EPHA6: variants seen among roughly 807,000 people sequenced by gnomAD.
The protein encoded by EPHA6 is ephrin type-A receptor 6.
A neutral mutation model predicts 112.0 loss-of-function variants in EPHA6; 50 were observed. The ratio of observed to expected loss-of-function variants is 0.45; its 90% CI spans 0.36 to 0.56. EPHA6 has a LOEUF of 0.56. EPHA6 is among the 20% of genes least tolerant of loss of function. The pLI, the probability that EPHA6 is intolerant of heterozygous loss-of-function variation, is 0.00. For missense variants in EPHA6, 1,280 were observed against 1,417.4 expected (o/e 0.90, Z 1.56); for synonymous variants, 529 against 490.7 (o/e 1.08, Z -1.03).
chr3:97,318,777 G>T (rs2081965396), intron 5 of EPHA6, among the ~76,000 whole-genome samples: 2 of 151,676 alleles, frequency 1.3e-5, no homozygotes, highest in African/African-American at 4.9e-5. Flanking sequence ...ACTAACAGAT[G>T]GCTTTAAAGT....
At chr3:96,840,723 G>T (rs540103845) in intron 1 of EPHA6, among the ~76,000 whole-genome samples, 1 of 152,008 alleles carries the variant, frequency 6.6e-6, no homozygotes, top group African/African-American at 2.4e-5. Flanking sequence ...CCTGATTACC[G>T]GCCGGTGTCT....
chr3:96,823,737 A>G (rs927340898), intron 1 of EPHA6, among the ~76,000 whole-genome samples: 1 of 151,812 alleles, frequency 6.6e-6, no homozygotes, highest in Non-Finnish European at 1.5e-5. Flanking sequence ...TAAAGACTGG[A>G]ATATCTTGGA....
intron 3 of EPHA6, among the ~76,000 whole-genome samples, chr3:97,118,560 T>G (rs2047958019): frequency 6.6e-6 from 1 of 151,844 alleles, no homozygotes; most frequent in Non-Finnish European, 1.5e-5. Context: ...TTAGTTCCTT[T>G]TCTGTTTTTT....
chr3:97,096,502 T>C (rs552384922), intron 3 of EPHA6, among the ~76,000 whole-genome samples: 1 of 151,992 alleles, frequency 6.6e-6, no homozygotes, highest in African/African-American at 2.4e-5. Context: ...GTATTGAGAG[T>C]ACTTGGCTTT....
At chr3:97,710,794 C>G (rs1300393336) in intron 14 of EPHA6, among the ~76,000 whole-genome samples, 1 of 152,178 alleles carries the variant, frequency 6.6e-6, no homozygotes, top group East Asian at 1.9e-4. Context: ...ACAAGCACCC[C>G]AGGATTTATG....
At chr3:96,980,910 G>C (rs2107816543) in intron 2 of EPHA6, among the ~76,000 whole-genome samples, 1 of 152,290 alleles carries the variant, frequency 6.6e-6, no homozygotes, top group Non-Finnish European at 1.5e-5. Context: ...TGTATCCTGA[G>C]ACTTTGCTGA....
chr3:97,187,675 GAGAAAGAAAGAAGGAAAGAA>G (rs1332539456), intron 3 of EPHA6, among the ~76,000 whole-genome samples: 113 of 77,106 alleles, frequency 1.5e-3, no homozygotes, highest in South Asian at 7.6e-3. Flanking sequence ...AAGAAAGAAA[GAGAAAGAAAGAAGGAAAGAA>G]AGAAAGAAAG....
intron 11 of EPHA6, among the ~76,000 whole-genome samples, chr3:97,570,937 A>G (rs2093327007): frequency 6.6e-6 from 1 of 152,180 alleles, no homozygotes; most frequent in Non-Finnish European, 1.5e-5. Flanking sequence ...TAGAGTCTAG[A>G]TACCAGAATG....
intron 4 of EPHA6, 126 bp downstream of exon 4, chr3:97,226,545 G>A: frequency 1.1e-6 from 1 of 880,902 alleles, no homozygotes; most frequent in Non-Finnish European, 1.7e-6. Context: ...TGTGATAACA[G>A]TCAAGGAAAA....
chr3:97,321,599 A>G (rs182054287), intron 5 of EPHA6, among the ~76,000 whole-genome samples: 4 of 152,008 alleles, frequency 2.6e-5, no homozygotes, highest in East Asian at 1.9e-4. Context: ...AAAACCCCCA[A>G]TGGGTCTGTG....
rs932013147 is a variant in EPHA6 at position 97,382,676 on chromosome 3, A to G, written c.1607-22474A>G. ...CGACTCTTACAAAGATGGATCAGCAATTCAGTTATATACAAAAAGAGACTT... is the reference window on the plus strand; with the variant it reads ...CGACTCTTACAAAGATGGATCAGCAGTTCAGTTATATACAAAAAGAGACTT... On this transcript the variant is annotated intron_variant, in intron 5 of 17. Transcript: ENST00000389672. Among the ~76,000 whole-genome samples, 6 of 152,104 alleles carry G rather than the reference A, an allele frequency of 3.9e-5. No individual in the cohort carries two copies. The South Asian group carries it at 6.2e-4, about 16-fold the overall frequency.
chr3:97,566,988 C>T (rs2093275665), intron 11 of EPHA6, among the ~76,000 whole-genome samples: 1 of 152,136 alleles, frequency 6.6e-6, no homozygotes, highest in South Asian at 2.1e-4. Flanking sequence ...AAATAGAAAC[C>T]ACATGAACTG....
At chr3:96,966,334 A>C (rs1452652362) in intron 2 of EPHA6, among the ~76,000 whole-genome samples, 3 of 152,048 alleles carry the variant, frequency 2.0e-5, no homozygotes, top group Non-Finnish European at 2.9e-5. Flanking sequence ...CCTTACAGGG[A>C]GCCAGCTGGC....
intron 1 of EPHA6, among the ~76,000 whole-genome samples, chr3:96,817,821 A>G (rs1420198693): frequency 1.3e-5 from 2 of 151,968 alleles, no homozygotes; most frequent in Non-Finnish European, 2.9e-5. Context: ...ATGACAAAAA[A>G]GTAAACTACC....
intron 2 of EPHA6, among the ~76,000 whole-genome samples, chr3:96,929,501 T>G (rs2040207116): frequency 6.6e-6 from 1 of 152,198 alleles, no homozygotes; most frequent in Non-Finnish European, 1.5e-5. Flanking sequence ...AAGCTTAGTT[T>G]GGACTGATAT....
At chr3:97,050,514 A>G (rs1278298714) in intron 3 of EPHA6, among the ~76,000 whole-genome samples, 1 of 152,206 alleles carries the variant, frequency 6.6e-6, no homozygotes, top group Non-Finnish European at 1.5e-5. Flanking sequence ...TATGTTTCCC[A>G]TAAATAGACT....
chr3:97,152,901 T>C (rs1180383406), intron 3 of EPHA6, among the ~76,000 whole-genome samples: 8 of 152,140 alleles, frequency 5.3e-5, no homozygotes, highest in Non-Finnish European at 1.2e-4. Context: ...TCTCTTCTAT[T>C]AAAACATTAT....
At chr3:97,211,463 C>T (rs2077872859) in intron 3 of EPHA6, among the ~76,000 whole-genome samples, 1 of 152,176 alleles carries the variant, frequency 6.6e-6, no homozygotes, top group Non-Finnish European at 1.5e-5. Flanking sequence ...GTTTTTCTCA[C>T]AGTTCATAAG....
At chr3:97,114,175 A>G (rs1246489992) in intron 3 of EPHA6, among the ~76,000 whole-genome samples, 1 of 152,132 alleles carries the variant, frequency 6.6e-6, no homozygotes, top group Non-Finnish European at 1.5e-5. Flanking sequence ...TATACTTCCA[A>G]TCATGCCGTT....
Sources: gnomAD v4.1 joint callset for allele counts (sites outside exome capture counted in the v4.1 genomes callset) on GRCh38, gnomAD v4.1.1 for gene constraint, MANE v1.5 for transcripts, NCBI Gene and HGNC (gene_info 2026-07-23, HGNC 2026-07-21) for gene names.